Variants in TLN2 observed in about 807,000 individuals in gnomAD.
The protein encoded by TLN2 is talin 2.
Under a neutral mutation model 294.7 loss-of-function variants are expected in TLN2, and 118 were observed. The observed-to-expected ratio is 0.40, with a 90% confidence interval of 0.34 to 0.47. The LOEUF (loss-of-function observed/expected upper bound fraction) is 0.47. Among genes scored for constraint, TLN2 ranks in the 20% least tolerant of loss-of-function variants. TLN2 has a pLI of 0.84. For synonymous variants in TLN2, 1,431 were observed against 1,304.5 expected (o/e 1.10, Z -2.09); for missense variants, 3,083 against 3,282.2 (o/e 0.94, Z 1.48).
At chr15:62,430,866 G>T (rs1595786791) in intron 1 of TLN2, among the ~76,000 whole-genome samples, 1 of 149,966 alleles carries the variant, frequency 6.7e-6, no homozygotes, top group Non-Finnish European at 1.5e-5. Flanking sequence ...CCATTGGAGA[G>T]ATCAATTTGG....
At chr15:62,797,451 C>A in intron 48 of TLN2, 49 bp downstream of exon 48, 1 of 1,524,810 alleles carries the variant, frequency 6.6e-7, no homozygotes, top group Admixed American at 2.2e-5. Context: ...CCCGTGAACG[C>A]TGCACATCGG....
chr15:62,507,036 C>T (rs1342922283), intron 1 of TLN2, among the ~76,000 whole-genome samples: 1 of 152,134 alleles, frequency 6.6e-6, no homozygotes, highest in African/African-American at 2.4e-5. Flanking sequence ...ACTTGCTGAA[C>T]TTTGGTCAGC....
At chr15:62,594,533 A>G (rs940592971) in intron 2 of TLN2, among the ~76,000 whole-genome samples, 5 of 152,176 alleles carry the variant, frequency 3.3e-5, no homozygotes, top group African/African-American at 1.2e-4. Flanking sequence ...TTTTTGACAA[A>G]GGTACCAAGA....
At chr15:62,703,621 A>ACG (rs200251505) in intron 19 of TLN2, among the ~76,000 whole-genome samples, 177 of 147,412 alleles carry the variant, frequency 1.2e-3, no homozygotes, top group Middle Eastern at 7.0e-3. Flanking sequence ...ACACACACAC[A>ACG]CGCGCGCACA....
At chr15:62,707,062 T>G (rs746669521) in intron 19 of TLN2, 24 bp from the exon 20 acceptor site, 1 of 1,582,064 alleles carries the variant, frequency 6.3e-7, no homozygotes. Context: ...AATAAATGAA[T>G]AGTCTTTGAT....
chr15:62,412,513 C>T (rs1009611211), intron 1 of TLN2, among the ~76,000 whole-genome samples: 21 of 152,126 alleles, frequency 1.4e-4, no homozygotes, highest in South Asian at 8.3e-4. Flanking sequence ...TTTTTTGGCA[C>T]GACTGGGACC....
At chr15:62,546,942 C>T (rs2042027417) in intron 1 of TLN2, among the ~76,000 whole-genome samples, 2 of 152,148 alleles carry the variant, frequency 1.3e-5, no homozygotes, top group Non-Finnish European at 2.9e-5. Flanking sequence ...TTTACAAGCC[C>T]CTGCTGATAG....
rs1268911536 is a variant in TLN2, at chr15:62,819,594, C to G, written c.6850C>G (p.Leu2284Val). 6.2e-7 allele frequency: 1 copy of G among 1,612,244 alleles called. No homozygotes were observed. Residue 2284 changes from leucine to valine, a missense_variant, in exon 53 of 59, where the codon CTC (leucine) becomes GTC (valine). Leu to Val is a conservative substitution (Grantham distance 32, BLOSUM62 1). Transcript: ENST00000636159. ...GCGAGTCGCCGGCGCTGTGACAGAGCTCATCCAGGCGGCGGAAGCCATGAA... is the reference window on the plus strand; with the variant it reads ...GCGAGTCGCCGGCGCTGTGACAGAGGTCATCCAGGCGGCGGAAGCCATGAA... ...SKRVAGAVTE[L>V]IQAAEAMKGT...
At position 62,747,261 on chromosome 15, in the gene TLN2, A is replaced by C. The variant is rs963561475; in HGVS notation, c.4026-1090A>C. On this transcript the variant is annotated intron_variant, in intron 32 of 58. Coordinates refer to ENST00000636159, the MANE Select transcript of TLN2 (RefSeq NM_015059.3). ...AGGTAATCAAAAGCACAAAGTGATTAATTTTCTTATCACACTCCACCCCAA... is the reference window on the plus strand; with the variant it reads ...AGGTAATCAAAAGCACAAAGTGATTCATTTTCTTATCACACTCCACCCCAA... 2.0e-5 allele frequency among the ~76,000 whole-genome samples: 3 copies of C among 152,216 alleles called. No individual in the cohort carries two copies. The South Asian group carries it at 6.2e-4, about 31-fold the overall frequency.
At chr15:62,588,276 T>A (rs1245559554) in intron 1 of TLN2, among the ~76,000 whole-genome samples, 1 of 152,208 alleles carries the variant, frequency 6.6e-6, no homozygotes, top group African/African-American at 2.4e-5. Flanking sequence ...TTAATTTGCT[T>A]TATCCATTTT....
rs559195830 is a variant in TLN2 at position 62,667,170 on chromosome 15, G to A, written c.789-6657G>A. Among the ~76,000 whole-genome samples the A allele has an allele frequency of 5.9e-5, 9 of 152,232 alleles. No homozygotes were observed. The East Asian group carries it at 1.6e-3, about 26-fold the overall frequency. ...TTTAGTAGAGACGGGGTTTCACCAT[G>A]TTAGCCAGGATGGTCTCGATCTCCT... On this transcript the variant is annotated intron_variant, in intron 9 of 58. Coordinates refer to ENST00000636159, the MANE Select transcript of TLN2 (RefSeq NM_015059.3).
chr15:62,698,761 C>T lies in TLN2; in HGVS notation c.1481C>T (p.Ala494Val), dbSNP rs376377833. The T allele has an allele frequency of 2.5e-6, 4 of 1,610,128 alleles. No homozygotes were observed. The African/African-American group carries it at 4.0e-5, about 16-fold the overall frequency. Reference protein sequence around the residue: ...HRGHMPPLTSAQQALMGTINT... With the variant: ...HRGHMPPLTSVQQALMGTINT... ...TTTCATTTGCCTTTGCAGACCTCAG[C>T]CCAGCAGGCCCTGATGGGGACCATC... Residue 494 changes from alanine (A) to valine (V), a missense_variant, in exon 16 of 59, where the codon GCC becomes GTC. By Grantham distance (64) the Ala-to-Val change is moderately conservative. Transcript: ENST00000636159.
chr15:62,503,449 G>A (rs932129087), intron 1 of TLN2, among the ~76,000 whole-genome samples: 4 of 152,188 alleles, frequency 2.6e-5, no homozygotes, highest in Admixed American at 2.6e-4. Context: ...ACCCATGTGT[G>A]CTTTATACAC....
chr15:62,530,388 C>T (rs938039382), intron 1 of TLN2, among the ~76,000 whole-genome samples: 17 of 152,112 alleles, frequency 1.1e-4, no homozygotes, highest in South Asian at 6.2e-4. Flanking sequence ...GATGGAGTCT[C>T]GCTCTGTTGC....
intron 1 of TLN2, among the ~76,000 whole-genome samples, chr15:62,421,677 G>A (rs977495025): frequency 5.9e-5 from 9 of 151,636 alleles, no homozygotes; most frequent in African/African-American, 2.2e-4. Flanking sequence ...CTATTGGAGG[G>A]TAGGGGGTGG....
At chr15:62,506,597 G>A (rs1039758916) in intron 1 of TLN2, among the ~76,000 whole-genome samples, 3 of 152,192 alleles carry the variant, frequency 2.0e-5, no homozygotes, top group African/African-American at 7.2e-5. Context: ...CTCCCATGGA[G>A]GTTGGGGGAG....
At chr15:62,706,610 G>T (rs573054546) in intron 19 of TLN2, among the ~76,000 whole-genome samples, 17 of 152,320 alleles carry the variant, frequency 1.1e-4, no homozygotes, top group Middle Eastern at 3.4e-3. Flanking sequence ...TGACGACTTG[G>T]ATCTTTGTGC....
intron 21 of TLN2, among the ~76,000 whole-genome samples, chr15:62,709,408 T>C (rs1386258370): frequency 2.0e-5 from 3 of 152,190 alleles, no homozygotes. Context: ...AGAGGAGCAG[T>C]GTCTCCTGGG....
intron 1 of TLN2, among the ~76,000 whole-genome samples, chr15:62,502,543 A>G (rs1015792798): frequency 1.3e-5 from 2 of 152,094 alleles, no homozygotes; most frequent in African/African-American, 2.4e-5. Context: ...GGGCCTGGTG[A>G]TACGAGGGGT....
Sources: gnomAD v4.1 joint callset for allele counts (sites outside exome capture counted in the v4.1 genomes callset) on GRCh38, gnomAD v4.1.1 for gene constraint, MANE v1.5 for transcripts, NCBI Gene and HGNC (gene_info 2026-07-23, HGNC 2026-07-21) for gene names.